The following GNE variants were observed in gnomAD, a reference collection of about 807,000 sequenced individuals.
GNE encodes the protein glucosamine (UDP-N-acetyl)-2-epimerase/N-acetylmannosamine kinase, also known as bifunctional UDP-N-acetylglucosamine 2-epimerase/N-acetylmannosamine kinase.
A neutral mutation model predicts 61.8 loss-of-function variants in GNE; 41 were observed. That is an observed-to-expected ratio of 0.66 (90% CI 0.52 to 0.86). The LOEUF (loss-of-function observed/expected upper bound fraction) is 0.86. Ranked by LOEUF, GNE falls within the 40% of genes least tolerant of loss-of-function variation. GNE has a pLI of 0.00. For synonymous variants in GNE, 264 were observed against 326.4 expected (o/e 0.81, Z 2.06); for missense variants, 608 against 909.1 (o/e 0.67, Z 4.26).
rs1828459574 is a variant in GNE, at chr9:36,218,948, T to C, written c.1817-649A>G. Among the ~76,000 whole-genome samples the C allele has an allele frequency of 1.3e-5, 2 of 152,238 alleles. No homozygotes were observed. The highest frequency in any genetic ancestry group is 4.1e-4 in the South Asian group (2 of 4,832). ...CAGCAGGTATTTCTGTGGTTATCTG[T>C]AGTCCTTGTCTTCTGCCCGTCACCA... On this transcript the variant is annotated intron_variant, in intron 10 of 11. Coordinates refer to ENST00000642385, the MANE Select transcript of GNE (RefSeq NM_005476.7). This position sits in a 1 kb window ranked among gnomAD's most constrained non-coding sequence, Gnocchi z 4.1.
At position 36,220,165 on chromosome 9, in the gene GNE, A is replaced by G. The variant is rs1828525921; in HGVS notation, c.1634-145T>C. 1.6e-4 allele frequency: 118 copies of G among 733,146 alleles called. No individual in the cohort carries two copies. The South Asian group carries it at 1.6e-3, about 10-fold the overall frequency. 45.4% of individuals were successfully genotyped at this position (733,146 alleles called of 1,614,324 possible). A position where few individuals can be genotyped will look rare whatever the true frequency, so the allele number is the denominator to read the frequency against. On this transcript the variant is annotated intron_variant, in intron 9 of 11. Coordinates refer to ENST00000642385, the MANE Select transcript of GNE (RefSeq NM_005476.7). Reference sequence around the variant, plus strand: ...GACAGCTGAAGCCCACTAGGCATCAAAGCATTCTCTGGCAGCATTTTGGAT... The same window carrying G: ...GACAGCTGAAGCCCACTAGGCATCAGAGCATTCTCTGGCAGCATTTTGGAT...
At chr9:36,260,626 T>C (rs943526741), upstream of GNE, among the ~76,000 whole-genome samples, 4 of 151,884 alleles carry the variant, frequency 2.6e-5, no homozygotes, top group African/African-American at 9.7e-5. Context: ...TCCTAGCACT[T>C]TGGGAGGCCG....
In GNE at chr9:36,249,735, T is replaced by A. The variant is rs561730839; in HGVS notation, c.-42-338A>T. On this transcript the variant is annotated intron_variant, in intron 1 of 11. Transcript: ENST00000642385. ...CTACTAAAAAATACAAAAAAAAAAATTAGCTGGGCGTGGTGGCGGGTACCT... is the reference window on the plus strand; with the variant it reads ...CTACTAAAAAATACAAAAAAAAAAAATAGCTGGGCGTGGTGGCGGGTACCT... Among the ~76,000 whole-genome samples the A allele has an allele frequency of 4.2e-3, 641 of 151,366 alleles. 9 individuals are homozygous for A. Among genetic ancestry groups the A allele is most frequent in the Middle Eastern group, 0.01 (3 of 294 alleles).
chr9:36,253,039 A>G (rs1347622330), intron 1 of GNE, among the ~76,000 whole-genome samples: 1 of 151,866 alleles, frequency 6.6e-6, no homozygotes, highest in East Asian at 1.9e-4. Flanking sequence ...GCACACACCT[A>G]TAGTCCCAGC....
rs1466696765 is a variant in GNE, at chr9:36,220,025, A to T, written c.1634-5T>A. On this transcript the variant is annotated splice_polypyrimidine_tract_variant and splice_region_variant and intron_variant, in intron 9 of 11. Coordinates refer to ENST00000642385, the MANE Select transcript of GNE (RefSeq NM_005476.7). ...GGATAATTCCACCACCGATTCCTAC[A>T]GCGAGGGATAGAAATCACTGAGGGT... 6.2e-7 allele frequency: 1 copy of T among 1,612,690 alleles called. No individual in the cohort carries two copies. Among genetic ancestry groups the T allele is most frequent in the Admixed American group, 1.7e-5 (1 of 60,014 alleles).
Position 36,236,929 on chromosome 9 carries a change from A to C in GNE, c.672T>G (p.Thr224=), listed in dbSNP as rs1419517849. The part of the protein sequence containing the change: ...YIVALQHPVT[T]DIKHSIKMFE... ...ACATTTTTATGGAATGCTTAATGTC[A>C]GTGGTCACAGGGTGCTGTAGTGCAA... The change falls in exon 4 of 12, where the codon ACT becomes ACG. Residue 224 remains threonine (T), a synonymous_variant. Coordinates refer to ENST00000642385, the MANE Select transcript of GNE (RefSeq NM_005476.7). 1.2e-6 allele frequency: 2 copies of C among 1,611,556 alleles called. No homozygotes were observed. Among genetic ancestry groups the C allele is most frequent in the South Asian group, 1.1e-5 (1 of 91,032 alleles).
chr9:36,253,613 C>G (rs1419364909), intron 1 of GNE, among the ~76,000 whole-genome samples: 3 of 151,862 alleles, frequency 2.0e-5, no homozygotes, highest in Non-Finnish European at 2.9e-5. Context: ...TTAATTATGA[C>G]TCAAATGGTA....
Position 36,251,672 on chromosome 9 carries a change from T to C in GNE, c.-42-2275A>G, listed in dbSNP as rs80246738. Among the ~76,000 whole-genome samples, 1,396 of 152,228 alleles carry C rather than the reference T, an allele frequency of 9.2e-3. 20 individuals carry two copies. The highest frequency in any genetic ancestry group is 0.031 in the African/African-American group (1,274 of 41,536). On this transcript the variant is annotated intron_variant, in intron 1 of 11. Transcript: ENST00000642385. Reference sequence around the variant, plus strand: ...CAATGTTCATGTTTCAGTAAGTGTATCAATATTTAGAACTTGTAATCAGGA... The same window carrying C: ...CAATGTTCATGTTTCAGTAAGTGTACCAATATTTAGAACTTGTAATCAGGA...
intron 1 of GNE, among the ~76,000 whole-genome samples, chr9:36,256,982 G>C (rs528868169): frequency 1.1e-4 from 16 of 152,116 alleles, no homozygotes; most frequent in Admixed American, 4.6e-4. Context: ...CGAGATGGGC[G>C]GATCACTTGA....
At chr9:36,266,909 A>T (rs907520761) in intron 1 of GNE, among the ~76,000 whole-genome samples, 1 of 152,090 alleles carries the variant, frequency 6.6e-6, no homozygotes, top group African/African-American at 2.4e-5. Flanking sequence ...AAAAAAAAAA[A>T]ATACAAAAAT....
intron 7 of GNE, among the ~76,000 whole-genome samples, chr9:36,224,003 C>T (rs1430319194): frequency 1.4e-4 from 21 of 152,026 alleles, no homozygotes; most frequent in Admixed American, 1.1e-3. Context: ...CCGCCTGCCT[C>T]GGCCTCCCAA....
upstream of GNE, among the ~76,000 whole-genome samples, chr9:36,262,122 A>G (rs1368269748): frequency 6.6e-6 from 1 of 152,126 alleles, no homozygotes; most frequent in Non-Finnish European, 1.5e-5. Context: ...CAAATTATAT[A>G]CGTAATATAT....
chr9:36,231,713 G>C (rs1829163721), intron 5 of GNE, among the ~76,000 whole-genome samples: 1 of 152,142 alleles, frequency 6.6e-6, no homozygotes, highest in African/African-American at 2.4e-5. Flanking sequence ...GAGAAAGAAA[G>C]AACATTTAAC....
At chr9:36,244,084 C>A (rs2133104128) in intron 3 of GNE, among the ~76,000 whole-genome samples, 1 of 152,146 alleles carries the variant, frequency 6.6e-6, no homozygotes, top group South Asian at 2.1e-4. Context: ...CCATCCCAGC[C>A]TCCCAGGTAA....
chr9:36,217,474 G>A lies in GNE; in HGVS notation c.2060C>T (p.Ala687Val). 6.2e-7 allele frequency: 1 copy of A among 1,614,126 alleles called. No homozygotes were observed. Among genetic ancestry groups the A allele is most frequent in the Non-Finnish European group, 8.5e-7 (1 of 1,179,970 alleles). The change falls in exon 12 of 12, where the codon GCC becomes GTC. Residue 687 changes from alanine (A) to valine (V), a missense_variant. Physicochemically the swap from Ala to Val is moderately conservative, Grantham distance 64. Coordinates refer to ENST00000642385, the MANE Select transcript of GNE (RefSeq NM_005476.7). ...ATCCACGTCCTGCACGGAGGACAAG[G>A]CCTGCTGGCGAATGACGTCTTTGAC... ...HIVKDVIRQQ[A>V]LSSVQDVDVV... is the part of the protein sequence containing the mutation.
chr9:36,237,862 C>T (rs1829461226), intron 3 of GNE, among the ~76,000 whole-genome samples: 1 of 151,782 alleles, frequency 6.6e-6, no homozygotes, highest in Non-Finnish European at 1.5e-5. Context: ...ATTCTTAGGC[C>T]TTTGCATCCT....
At chr9:36,234,689 A>G (rs964601260) in intron 4 of GNE, among the ~76,000 whole-genome samples, 5 of 152,176 alleles carry the variant, frequency 3.3e-5, no homozygotes, top group African/African-American at 1.2e-4. Flanking sequence ...GGGAGGCAAT[A>G]TTTAATGTCC....
Position 36,227,233 on chromosome 9 carries a change from T to G in GNE, c.1281+15A>C, listed in dbSNP as rs763953740. 2 of 1,552,234 alleles carry G rather than the reference T, an allele frequency of 1.3e-6. No individual in the cohort carries two copies. The highest frequency in any genetic ancestry group is 1.1e-5 in the South Asian group (1 of 89,756). ...CATATGGGATATAAAGTTAGGAGTT[T>G]AGGAGTTATTTTACCTTCATGCTGA... is the stretch of plus-strand genomic sequence containing the variant. On this transcript the variant is annotated intron_variant, in intron 7 of 11. Transcript: ENST00000642385.
chr9:36,216,326 G>GGTGTGTGTGTGTGTGTGTGT lies in GNE; in HGVS notation c.*1038_*1039insACACACACACACACACACAC, dbSNP rs1563923938. 11 of 196,390 alleles carry GGTGTGTGTGTGTGTGTGTGT rather than the reference G, an allele frequency of 5.6e-5. No individual in the cohort carries two copies. The highest frequency in any genetic ancestry group is 2.6e-4 in the African/African-American group (2 of 7,752). The allele number at this position is 196,390 out of a possible 1,614,324, so 12.2% of individuals were successfully genotyped here. On this transcript the variant is annotated 3_prime_UTR_variant, in exon 12 of 12. Coordinates refer to ENST00000642385, the MANE Select transcript of GNE (RefSeq NM_005476.7). ...CTTAGTTTGGGGTTAGAGGAGGAAG[G>GGTGTGTGTGTGTGTGTGTGT]ATGTGTGTGTGTGTGTGTGTGTGTG...
Sources: allele counts gnomAD v4.1 joint callset (sites outside exome capture counted in the v4.1 genomes callset), GRCh38; gene constraint gnomAD v4.1.1; non-coding constraint Gnocchi (gnomAD v3.1); transcripts MANE v1.5; gene names NCBI Gene and HGNC (gene_info 2026-07-23, HGNC 2026-07-21).